NKTR: variants seen among roughly 807,000 people sequenced by gnomAD.
NKTR encodes the protein NK-tumor recognition protein.
Under a neutral mutation model 156.3 loss-of-function variants are expected in NKTR, and 67 were observed. The ratio of observed to expected loss-of-function variants is 0.43; its 90% CI spans 0.35 to 0.53. NKTR has a LOEUF of 0.53. Among genes scored for constraint, NKTR ranks in the 20% least tolerant of loss-of-function variants. NKTR has a pLI of 0.01. For missense variants in NKTR, 1,604 were observed against 1,730.9 expected (o/e 0.93, Z 1.30); for synonymous variants, 640 against 596.6 (o/e 1.07, Z -1.06).
chr3:42,629,718 G>T (rs1708720926), intron 6 of NKTR: 2 of 983,694 alleles, frequency 2.0e-6, no homozygotes, highest in South Asian at 9.4e-5. Flanking sequence ...TTTTTCCACT[G>T]CAATTCATAT....
At position 42,631,205 on chromosome 3, in the gene NKTR, T is replaced by G; in HGVS notation, c.439T>G (p.Phe147Val). 6.2e-7 allele frequency: 1 copy of G among 1,614,026 alleles called. No individual in the cohort carries two copies. Among genetic ancestry groups the G allele is most frequent in the South Asian group, 1.1e-5 (1 of 91,080 alleles). The change falls in exon 8 of 17, where the codon TTT becomes GTT. Residue 147 changes from phenylalanine (F) to valine (V), a missense_variant. Physicochemically the swap from Phe to Val is conservative, Grantham distance 50. Coordinates refer to ENST00000232978, the MANE Select transcript of NKTR (RefSeq NM_005385.4). ...AGTCTTTGGACTGGTTATTTCTGGT[T>G]TTGAAGTAATCGAACAAATTGAAAA... ...HVVFGLVISG[F>V]EVIEQIENLK... is the part of the protein sequence containing the mutation.
chr3:42,603,209 AT>A (rs201064472), intron 2 of NKTR, among the ~76,000 whole-genome samples: 5 of 150,536 alleles, frequency 3.3e-5, no homozygotes, highest in Non-Finnish European at 7.4e-5. Flanking sequence ...ACAAAAAACA[AT>A]TTTTTTTTAA....
rs11315714 is a variant in NKTR at position 42,603,732 on chromosome 3, C to CTT, written c.58+2688_58+2689dup. 4.8e-4 allele frequency among the ~76,000 whole-genome samples: 56 copies of CTT among 116,656 alleles called. 1 individual carries two copies. Among genetic ancestry groups the CTT allele is most frequent in the Middle Eastern group, 4.3e-3 (1 of 234 alleles). The allele number at this position is 116,656 out of a possible 152,430, so 76.5% of individuals were successfully genotyped here. On this transcript the variant is annotated intron_variant, in intron 2 of 16. Transcript: ENST00000232978. ...TAACTAAATAGTGGATTTTACACAA[C>CTT]TTTTTTTTTTTTTTTTTTTTTGAGG...
rs201791022 is a variant in NKTR, at chr3:42,639,159, G to A, written c.3455G>A (p.Arg1152Gln). ...GAGACTTCCCCTCTAGGAAATGCAC[G>A]GCTTGATACCCCAGATATAAACATT... ...VEETSPLGNARLDTPDINIVL... is the reference protein window; with the variant it reads ...VEETSPLGNAQLDTPDINIVL... The change falls in exon 13 of 17, where the codon CGG becomes CAG. Residue 1152 changes from arginine (R) to glutamine (Q), a missense_variant. Physicochemically the swap from Arg to Gln is conservative, Grantham distance 43. Coordinates refer to ENST00000232978, the MANE Select transcript of NKTR (RefSeq NM_005385.4). The A allele has an allele frequency of 8.0e-5, 129 of 1,614,100 alleles. No homozygotes were observed. The Admixed American group carries it at 1.2e-3, about 15-fold the overall frequency.
At chr3:42,601,232 G>C in intron 2 of NKTR, 168 bp downstream of exon 2, 1 of 525,150 alleles carries the variant, frequency 1.9e-6, no homozygotes, top group South Asian at 2.3e-5. Flanking sequence ...GGTGGCCTGG[G>C]CACACCCCTA....
rs371762426 is a variant in NKTR at position 42,615,496 on chromosome 3, A to G, written c.59-2074A>G. Among the ~76,000 whole-genome samples, 7 of 152,190 alleles carry G rather than the reference A, an allele frequency of 4.6e-5. No individual in the cohort carries two copies. In the South Asian group the frequency reaches 6.2e-4, roughly 14 times the overall value. On this transcript the variant is annotated intron_variant, in intron 2 of 16. Transcript: ENST00000232978. The stretch of plus-strand genomic sequence containing the variant: ...TGTGTGTTGTACTACTGGAGGGTAC[A>G]CAATTTCCAATTATCTGTTAAGGAG...
At chr3:42,621,282 T>G (rs1707878188) in intron 5 of NKTR, 147 bp from the exon 6 acceptor site, 1 of 1,338,518 alleles carries the variant, frequency 7.5e-7, no homozygotes, top group South Asian at 2.0e-5. Context: ...TTTGATTAGC[T>G]TAAATTTTTC....
intron 5 of NKTR, 184 bp downstream of exon 5, chr3:42,619,892 G>C (rs1707747905): frequency 1.4e-6 from 2 of 1,409,924 alleles, no homozygotes; most frequent in African/African-American, 1.5e-5. Flanking sequence ...ATTTTTAATT[G>C]ACAAGATTAA....
intron 14 of NKTR, 145 bp from the exon 15 acceptor site, chr3:42,643,194 T>C (rs1710044089): frequency 1.5e-6 from 1 of 662,796 alleles, no homozygotes; most frequent in Admixed American, 2.7e-5. Flanking sequence ...AAATCCAATA[T>C]ACTTTTGATA....
rs80343067 is a variant in NKTR at position 42,627,282 on chromosome 3, C to T, written c.375-3264C>T. The T allele has an allele frequency of 9.0e-3, 8,823 of 984,014 alleles. 52 individuals are homozygous for T. Among genetic ancestry groups the T allele is most frequent in the Non-Finnish European group, 9.9e-3 (8,193 of 828,738 alleles). The allele number at this position is 984,014 out of a possible 1,614,324, so 61.0% of individuals were successfully genotyped here. ...TCTCTTTGCCTTTATCTCTTTAATT[C>T]TGTTGTTATGTGCATTGAAACATTT... On this transcript the variant is annotated intron_variant, in intron 6 of 16. Transcript: ENST00000232978.
chr3:42,628,690 A>G, intron 6 of NKTR: 1 of 985,416 alleles, frequency 1.0e-6, no homozygotes, highest in Non-Finnish European at 1.2e-6. Flanking sequence ...CTTACACTGT[A>G]GAAAAATTTA....
chr3:42,610,758 T>C (rs1706709211), intron 2 of NKTR, among the ~76,000 whole-genome samples: 1 of 152,178 alleles, frequency 6.6e-6, no homozygotes, highest in African/African-American at 2.4e-5. Context: ...GTTTCGATTT[T>C]ATTTTGTTTC....
intron 3 of NKTR, among the ~76,000 whole-genome samples, 180 bp from the exon 4 acceptor site, chr3:42,618,837 GGAT>G (rs913676003): frequency 6.6e-6 from 1 of 151,928 alleles, no homozygotes; most frequent in Non-Finnish European, 1.5e-5. Context: ...ATGCTGCTTT[GGAT>G]TATTTATTTT....
At chr3:42,626,724 A>C (rs1466987380) in intron 6 of NKTR, among the ~76,000 whole-genome samples, 1 of 152,168 alleles carries the variant, frequency 6.6e-6, no homozygotes, top group Admixed American at 6.5e-5. Context: ...TTTGATGTGA[A>C]TTAGTTAAAA....
At position 42,635,308 on chromosome 3, in the gene NKTR, A is replaced by G. The variant is rs1709298128; in HGVS notation, c.1105A>G (p.Met369Val). The G allele has an allele frequency of 1.2e-6, 2 of 1,613,656 alleles. No individual in the cohort carries two copies. Among genetic ancestry groups the G allele is most frequent in the South Asian group, 2.2e-5 (2 of 91,078 alleles). Residue 369 changes from methionine to valine, a missense_variant, in exon 12 of 17, where the codon ATG (methionine) becomes GTG (valine). This residue lies in a region of NKTR where 1,255 missense variants were observed against 1,243.7 expected (regional missense o/e 1.01). Coordinates refer to ENST00000232978, the MANE Select transcript of NKTR (RefSeq NM_005385.4). ...AACTCCTCCTCACTGGAAAGAGGAA[A>G]TGCAGAGATTAAGAGCATATAGACC... ...SETPPHWKEEMQRLRAYRPPS... is the reference protein window; with the variant it reads ...SETPPHWKEEVQRLRAYRPPS...
At position 42,647,104 on chromosome 3, in the gene NKTR, C is replaced by T. The variant is rs1322234957; in HGVS notation, c.*1129C>T. ...ACAGCAGCTGAACTGTTGTAACCAGCATGTTTTTCCTATTTCCACTGTGAC... is the reference window on the plus strand; with the variant it reads ...ACAGCAGCTGAACTGTTGTAACCAGTATGTTTTTCCTATTTCCACTGTGAC... On this transcript the variant is annotated 3_prime_UTR_variant, in exon 17 of 17. Coordinates refer to ENST00000232978, the MANE Select transcript of NKTR (RefSeq NM_005385.4). The T allele has an allele frequency of 1.3e-5, 2 of 152,178 alleles. No homozygotes were observed. The highest frequency in any genetic ancestry group is 2.9e-5 in the Non-Finnish European group (2 of 68,048). The allele number at this position is 152,178 out of a possible 1,614,324, so 9.4% of individuals were successfully genotyped here.
chr3:42,632,184 C>T (rs969913173), intron 8 of NKTR, among the ~76,000 whole-genome samples: 11 of 150,808 alleles, frequency 7.3e-5, no homozygotes, highest in African/African-American at 2.4e-4. Flanking sequence ...ATTCTCCTGC[C>T]TCAGCCTCTG....
intron 8 of NKTR, 52 bp downstream of exon 8, chr3:42,631,368 T>C (rs1157485216): frequency 1.3e-6 from 2 of 1,592,500 alleles, no homozygotes; most frequent in Non-Finnish European, 1.7e-6. Flanking sequence ...AAAGCATTGC[T>C]GAAGACTGTA....
Position 42,631,288 on chromosome 3 carries a change from A to G in NKTR, c.522A>G (p.Gly174=). Reference sequence around the variant, plus strand: ...CAGATGTGCGAGTTATTGACTGTGGAGTACTTGCCACAAAATCAATAAAAG... The same window carrying G: ...CAGATGTGCGAGTTATTGACTGTGGGGTACTTGCCACAAAATCAATAAAAG... ...PYADVRVIDC[G]VLATKSIKDV... Residue 174 remains glycine (G), a synonymous_variant, in exon 8 of 17, where the codon GGA becomes GGG. Coordinates refer to ENST00000232978, the MANE Select transcript of NKTR (RefSeq NM_005385.4). 1 of 1,613,632 alleles carries G rather than the reference A, an allele frequency of 6.2e-7. No individual in the cohort carries two copies. Among genetic ancestry groups the G allele is most frequent in the Non-Finnish European group, 8.5e-7 (1 of 1,179,690 alleles).
Sources: allele counts gnomAD v4.1 joint callset (sites outside exome capture counted in the v4.1 genomes callset), GRCh38; gene constraint gnomAD v4.1.1; regional missense constraint gnomAD v4.1.1; transcripts MANE v1.5; gene names NCBI Gene and HGNC (gene_info 2026-07-23, HGNC 2026-07-21).